Variants in INTS4 observed in about 807,000 individuals in gnomAD.
The protein encoded by INTS4 is MSTP093.
INTS4 carries 70 observed loss-of-function variants against 119.5 expected under a neutral mutation model. The observed-to-expected ratio is 0.59, with a 90% CI of 0.48 to 0.71. The LOEUF (loss-of-function observed/expected upper bound fraction) is 0.71, where lower values mean the gene tolerates loss of function less well. Among genes scored for constraint, INTS4 ranks in the 30% least tolerant of loss-of-function variants. The probability of loss-of-function intolerance (pLI) is 0.00; values close to 1 mark genes in which losing one functional copy is unlikely to be tolerated. For synonymous variants in INTS4, 316 were observed against 419.6 expected (o/e 0.75, Z 3.02); for missense variants, 867 against 1,173.2 (o/e 0.74, Z 3.81).
At chr11:77,892,438 C>A (rs778085210) in intron 19 of INTS4, among the ~76,000 whole-genome samples, 1 of 152,166 alleles carries the variant, frequency 6.6e-6, no homozygotes, top group Non-Finnish European at 1.5e-5. Context: ...GAATTAAGAA[C>A]ATCAGATGAA....
intron 12 of INTS4, among the ~76,000 whole-genome samples, chr11:77,924,180 A>C (rs1953436887): frequency 6.7e-6 from 1 of 149,992 alleles, no homozygotes; most frequent in Non-Finnish European, 1.5e-5. Flanking sequence ...GGATCACCTG[A>C]GGTCAGGAGT....
intron 8 of INTS4, among the ~76,000 whole-genome samples, chr11:77,955,496 CTTTT>C (rs796295814): frequency 7.4e-6 from 1 of 135,512 alleles, no homozygotes; most frequent in Non-Finnish European, 1.6e-5. Context: ...TAATCCCAGC[CTTTT>C]TTTTTTTTTT....
intron 2 of INTS4, chr11:77,987,800 G>A: frequency 2.8e-6 from 1 of 356,278 alleles, no homozygotes; most frequent in South Asian, 2.0e-5. Flanking sequence ...CTTGAGCCTG[G>A]GAGTCCAGAC....
At chr11:77,992,866 C>T (rs1856754445) in intron 1 of INTS4, among the ~76,000 whole-genome samples, 1 of 152,148 alleles carries the variant, frequency 6.6e-6, no homozygotes, top group East Asian at 1.9e-4. Context: ...TCAGTTCTCC[C>T]TCCTCATCTT....
intron 22 of INTS4, among the ~76,000 whole-genome samples, chr11:77,879,695 G>C (rs1305792142): frequency 6.6e-6 from 1 of 152,108 alleles, no homozygotes; most frequent in African/African-American, 2.4e-5. Flanking sequence ...TAATCATCTA[G>C]TGTCTCTATG....
At chr11:77,935,253 C>G (rs1953759045) in intron 10 of INTS4, among the ~76,000 whole-genome samples, 1 of 152,188 alleles carries the variant, frequency 6.6e-6, no homozygotes, top group African/African-American at 2.4e-5. Flanking sequence ...CAATAAAGGA[C>G]TGCAATCCCT....
chr11:77,891,958 G>A (rs927622388), intron 19 of INTS4, 118 bp from the exon 20 acceptor site: 1 of 1,535,862 alleles, frequency 6.5e-7, no homozygotes, highest in African/African-American at 1.4e-5. Flanking sequence ...AGAGGAGCTT[G>A]CAGTTTACGA....
At chr11:77,993,599 A>G (rs1216407165) in intron 1 of INTS4, among the ~76,000 whole-genome samples, 2 of 151,468 alleles carry the variant, frequency 1.3e-5, no homozygotes, top group East Asian at 1.9e-4. Flanking sequence ...TATACTTAAA[A>G]TTGTTAAAAT....
Position 77,928,487 on chromosome 11 carries a change from G to C in INTS4, c.1226C>G (p.Ala409Gly). The change falls in exon 11 of 23, where the codon GCT becomes GGT. Residue 409 changes from alanine (A) to glycine (G), a missense_variant. Physicochemically the swap from Ala to Gly is moderately conservative, Grantham distance 60. Around this residue, in one of 5 missense-constraint regions of INTS4, gnomAD observed 208 missense variants for 306.6 expected, o/e 0.68. Transcript: ENST00000534064. ...CMLAQSSPSF[A>G]EKCLDFLVDM... ...AACTAGGAAATCAAGGCACTTCTCA[G>C]CAAAAGAGGGTGAAGACTGGGCCAA... is the stretch of plus-strand genomic sequence containing the variant. 1.2e-6 allele frequency: 2 copies of C among 1,607,326 alleles called. No individual in the cohort carries two copies. The highest frequency in any genetic ancestry group is 8.5e-7 in the Non-Finnish European group (1 of 1,176,182).
At chr11:77,909,243 T>C (rs1953034033) in intron 15 of INTS4, among the ~76,000 whole-genome samples, 1 of 152,246 alleles carries the variant, frequency 6.6e-6, no homozygotes, top group Non-Finnish European at 1.5e-5. Context: ...ATGATATAAA[T>C]AAGCCACTTA....
intron 13 of INTS4, among the ~76,000 whole-genome samples, 186 bp from the exon 14 acceptor site, chr11:77,921,659 T>A (rs1019536568): frequency 2.6e-5 from 4 of 152,166 alleles, no homozygotes; most frequent in African/African-American, 9.7e-5. Context: ...CAAAGGTTTT[T>A]AAAAATGCCA....
At chr11:77,979,332 C>T (rs1856096086) in intron 3 of INTS4, among the ~76,000 whole-genome samples, 1 of 151,872 alleles carries the variant, frequency 6.6e-6, no homozygotes, top group Non-Finnish European at 1.5e-5. Flanking sequence ...AAAAATGAGT[C>T]AGCCAGGTGG....
chr11:77,981,362 C>T (rs1856212518), intron 3 of INTS4, 97 bp downstream of exon 3: 1 of 485,084 alleles, frequency 2.1e-6, no homozygotes, highest in Admixed American at 3.8e-5. Context: ...AATTCCTCTT[C>T]AATAACAATC....
chr11:77,908,797 T>C (rs1369472496), intron 15 of INTS4, among the ~76,000 whole-genome samples: 2 of 152,148 alleles, frequency 1.3e-5, no homozygotes, highest in East Asian at 3.8e-4. Context: ...TCCGAGTTTT[T>C]AAGACAATGA....
At chr11:77,949,756 C>T (rs1429653157) in intron 8 of INTS4, among the ~76,000 whole-genome samples, 3 of 152,112 alleles carry the variant, frequency 2.0e-5, no homozygotes, top group Admixed American at 6.6e-5. Flanking sequence ...GGAACACTTT[C>T]ACACTGTTGG....
At chr11:77,907,199 C>T (rs1196126566) in intron 16 of INTS4, among the ~76,000 whole-genome samples, 3 of 152,018 alleles carry the variant, frequency 2.0e-5, no homozygotes, top group African/African-American at 4.8e-5. Flanking sequence ...CAACTCCAGC[C>T]GAGTAGCTGG....
At chr11:77,990,379 CCT>C (rs1331685164) in intron 2 of INTS4, among the ~76,000 whole-genome samples, 7 of 151,982 alleles carry the variant, frequency 4.6e-5, no homozygotes, top group Non-Finnish European at 1.5e-5. Flanking sequence ...TGACAGTGAG[CCT>C]CTGTCTCAAA....
chr11:77,938,103 T>C (rs1328230988), intron 10 of INTS4, among the ~76,000 whole-genome samples: 1 of 151,806 alleles, frequency 6.6e-6, no homozygotes, highest in East Asian at 1.9e-4. Flanking sequence ...AGCCTCAGCC[T>C]CCCAAAGTGC....
Position 77,950,363 on chromosome 11 carries a change from TA to T in INTS4, c.918+5578del, listed in dbSNP as rs112511764. Among the ~76,000 whole-genome samples the T allele has an allele frequency of 2.6e-4, 38 of 148,622 alleles. 1 individual carries two copies. The highest frequency in any genetic ancestry group is 6.9e-3 in the Middle Eastern group (2 of 288). On this transcript the variant is annotated intron_variant, in intron 8 of 22. Coordinates refer to ENST00000534064, the MANE Select transcript of INTS4 (RefSeq NM_033547.4). Reference sequence around the variant, plus strand: ...ACATGTATCCCAGAACTTAAAGTATTAAAAAAAAAATTGATATCATAGAGGC... The same window carrying T: ...ACATGTATCCCAGAACTTAAAGTATTAAAAAAAAATTGATATCATAGAGGC...
Sources: allele counts gnomAD v4.1 joint callset (sites outside exome capture counted in the v4.1 genomes callset), GRCh38; gene constraint gnomAD v4.1.1; regional missense constraint gnomAD v4.1.1; transcripts MANE v1.5; gene names NCBI Gene and HGNC (gene_info 2026-07-23, HGNC 2026-07-21).